Variants in RBFOX1 observed in about 807,000 individuals in gnomAD.
The protein encoded by RBFOX1 is RNA binding fox-1 homolog 1.
RBFOX1 carries 8 observed loss-of-function variants against 57.7 expected under a neutral mutation model. That is an observed-to-expected ratio of 0.14 (90% CI 0.08 to 0.25). The LOEUF is 0.25. RBFOX1 is among the 10% of genes least tolerant of loss of function. The pLI is 1.00. For synonymous variants in RBFOX1, 326 were observed against 222.4 expected (o/e 1.47, Z -4.15); for missense variants, 611 against 548.5 (o/e 1.11, Z -1.14).
Position 6,377,560 on chromosome 16 carries a change from C to A in RBFOX1, c.-64+60503C>A, listed in dbSNP as rs187922043. On this transcript the variant is annotated intron_variant, in intron 2 of 15. Coordinates refer to ENST00000550418, the MANE Select transcript of RBFOX1 (RefSeq NM_018723.4). ...CTGCCTGCCTGCGTAGAATCAAGAA[C>A]AACATGCACTTCAGTGGAATTTGGG... 9.4e-4 allele frequency among the ~76,000 whole-genome samples: 143 copies of A among 152,242 alleles called. 1 individual carries two copies. The highest frequency in any genetic ancestry group is 8.2e-3 in the Admixed American group (126 of 15,294).
chr16:5,684,672 CA>C (rs2050448213), intron 3 of RBFOX1, among the ~76,000 whole-genome samples: 1 of 152,170 alleles, frequency 6.6e-6, no homozygotes, highest in Non-Finnish European at 1.5e-5. Flanking sequence ...GCCTTTTCAT[CA>C]GCTTCTCCCT....
chr16:7,181,581 C>T (rs956480689), intron 4 of RBFOX1, among the ~76,000 whole-genome samples: 4 of 151,678 alleles, frequency 2.6e-5, no homozygotes, highest in Admixed American at 6.6e-5. Flanking sequence ...CTCTCTTTCT[C>T]GCTTGCTTGC....
intron 3 of RBFOX1, among the ~76,000 whole-genome samples, chr16:5,748,874 A>C (rs1370924247): frequency 1.3e-5 from 2 of 152,138 alleles, no homozygotes; most frequent in African/African-American, 4.8e-5. Flanking sequence ...ATTGACATTT[A>C]AGGTTAATAT....
chr16:7,071,596 TGTGTGTG>T, intron 4 of RBFOX1, among the ~76,000 whole-genome samples: 2 of 145,814 alleles, frequency 1.4e-5, no homozygotes, highest in Non-Finnish European at 3.0e-5. Flanking sequence ...TATGTGTGTG[TGTGTGTG>T]TGTGTGTGTG....
intron 3 of RBFOX1, among the ~76,000 whole-genome samples, chr16:7,004,514 A>C (rs1018036447): frequency 6.6e-6 from 1 of 152,140 alleles, no homozygotes; most frequent in Non-Finnish European, 1.5e-5. Flanking sequence ...GTATGCCAGC[A>C]CTCCAAGAGA....
intron 1 of RBFOX1, among the ~76,000 whole-genome samples, chr16:6,117,838 T>C (rs1425587422): frequency 6.6e-6 from 1 of 152,242 alleles, no homozygotes; most frequent in African/African-American, 2.4e-5. Context: ...TCTTTAAGAT[T>C]TTTTATGTAT....
chr16:5,823,629 C>T (rs1375283946), intron 3 of RBFOX1, among the ~76,000 whole-genome samples: 2 of 152,078 alleles, frequency 1.3e-5, no homozygotes, highest in African/African-American at 4.8e-5. Context: ...CACATTATCA[C>T]CTGAGCTCCA....
chr16:5,925,539 C>T (rs1040204727), intron 4 of RBFOX1, among the ~76,000 whole-genome samples: 14 of 152,154 alleles, frequency 9.2e-5, no homozygotes, highest in Non-Finnish European at 1.9e-4. Flanking sequence ...AGTGGTTGAA[C>T]AGGAACATTA....
intron 3 of RBFOX1, among the ~76,000 whole-genome samples, chr16:6,769,737 T>G (rs1005300827): frequency 6.6e-6 from 1 of 152,166 alleles, no homozygotes; most frequent in Non-Finnish European, 1.5e-5. Context: ...GCTGATAATT[T>G]GGGTACAAAT....
chr16:7,093,847 C>T (rs769078021), intron 4 of RBFOX1, among the ~76,000 whole-genome samples: 1 of 151,992 alleles, frequency 6.6e-6, no homozygotes, highest in Non-Finnish European at 1.5e-5. Flanking sequence ...TATCATAAAG[C>T]CACATCCATT....
intron 9 of RBFOX1, among the ~76,000 whole-genome samples, chr16:7,605,486 A>T (rs1223549167): frequency 6.6e-6 from 1 of 152,164 alleles, no homozygotes; most frequent in African/African-American, 2.4e-5. Context: ...GCTGTAAACC[A>T]CCTAGCTTCT....
chr16:5,660,034 C>G (rs989833936), intron 3 of RBFOX1, among the ~76,000 whole-genome samples: 16 of 152,026 alleles, frequency 1.1e-4, no homozygotes, highest in African/African-American at 2.7e-4. Context: ...TTAAAAACAT[C>G]CTGAGAGGGG....
chr16:7,527,731 G>C (rs1021853383), intron 5 of RBFOX1, among the ~76,000 whole-genome samples: 5 of 152,050 alleles, frequency 3.3e-5, no homozygotes, highest in Admixed American at 2.6e-4. Flanking sequence ...GTCTATGAAG[G>C]TCTTAGCACA....
At chr16:6,865,715 C>T (rs1016392552) in intron 3 of RBFOX1, among the ~76,000 whole-genome samples, 1 of 151,936 alleles carries the variant, frequency 6.6e-6, no homozygotes, top group Non-Finnish European at 1.5e-5. Flanking sequence ...CTCATTTTGC[C>T]TCTCATTTGC....
intron 2 of RBFOX1, chr16:6,483,118 T>G (rs186401538): frequency 3.4e-4 from 356 of 1,033,834 alleles, no homozygotes; most frequent in Admixed American, 1.8e-3. Flanking sequence ...AGCCCCAGTA[T>G]CCACTGCCTT....
intron 2 of RBFOX1, among the ~76,000 whole-genome samples, chr16:6,354,027 C>G (rs574541478): frequency 2.0e-5 from 3 of 152,104 alleles, no homozygotes; most frequent in Admixed American, 2.0e-4. Context: ...GAAGACCAGC[C>G]TCACCAATAT....
chr16:5,882,915 A>G (rs999747577), intron 4 of RBFOX1, among the ~76,000 whole-genome samples: 2 of 152,220 alleles, frequency 1.3e-5, no homozygotes, highest in African/African-American at 4.8e-5. Flanking sequence ...GTTACTGTAC[A>G]TTTAAATGAA....
At chr16:6,424,499 A>T (rs2093865595) in intron 2 of RBFOX1, among the ~76,000 whole-genome samples, 1 of 152,170 alleles carries the variant, frequency 6.6e-6, no homozygotes, top group African/African-American at 2.4e-5. Context: ...GGCTCCAGGA[A>T]TGCTACTGCT....
chr16:6,942,886 T>C (rs970467590), intron 3 of RBFOX1, among the ~76,000 whole-genome samples: 1 of 152,196 alleles, frequency 6.6e-6, no homozygotes, highest in Non-Finnish European at 1.5e-5. Context: ...GCTCGCAGTT[T>C]GCAGTATACA....
Sources: allele counts gnomAD v4.1 joint callset (sites outside exome capture counted in the v4.1 genomes callset), GRCh38; gene constraint gnomAD v4.1.1; transcripts MANE v1.5; gene names NCBI Gene and HGNC (gene_info 2026-07-23, HGNC 2026-07-21).